The following RHEB variants were observed in gnomAD, a reference collection of about 807,000 sequenced individuals.
RHEB encodes Ras homolog, mTORC1 binding, also known as GTP-binding protein Rheb.
A neutral mutation model predicts 28.8 loss-of-function variants in RHEB; 2 were observed. The observed-to-expected ratio is 0.07, with a 90% CI of 0.03 to 0.22. The LOEUF is 0.22. RHEB is among the 10% of genes least tolerant of loss of function. The pLI, the probability that RHEB is intolerant of heterozygous loss-of-function variation, is 1.00. For synonymous variants in RHEB, 69 were observed against 77.3 expected (o/e 0.89, Z 0.56); for missense variants, 76 against 219.9 (o/e 0.35, Z 4.14).
intron 1 of RHEB, chr7:151,502,493 GAAGGA>G: frequency 1.1e-6 from 1 of 906,702 alleles, no homozygotes; most frequent in Non-Finnish European, 1.9e-6. Context: ...TGTAACAGAA[GAAGGA>G]AAGGAAAAGA....
At chr7:151,514,699 C>T (rs6960126) in intron 1 of RHEB, among the ~76,000 whole-genome samples, 62,388 of 151,992 alleles carry the variant, frequency 0.41, 14,484 homozygotes, top group South Asian at 0.6. Flanking sequence ...AACATGTCTA[C>T]ATAAAAGCTT....
intron 2 of RHEB, among the ~76,000 whole-genome samples, chr7:151,488,362 T>G (rs1360291420): frequency 6.7e-6 from 1 of 149,374 alleles, no homozygotes; most frequent in Non-Finnish European, 1.5e-5. Context: ...CACCACTGAG[T>G]GTTTGCTATA....
At chr7:151,517,741 G>C (rs2150941785) in intron 1 of RHEB, 1 of 149,182 alleles carries the variant, frequency 6.7e-6, no homozygotes, top group Admixed American at 6.7e-5. Context: ...CCAAAGACTA[G>C]AGCTACCATT....
chr7:151,492,906 T>C (rs566017805), intron 1 of RHEB, among the ~76,000 whole-genome samples: 1 of 146,552 alleles, frequency 6.8e-6, no homozygotes, highest in East Asian at 2.1e-4. Context: ...TGGTGCAATC[T>C]TGGCTCACTG....
chr7:151,474,893 A>G (rs114857361), intron 4 of RHEB, among the ~76,000 whole-genome samples: 63 of 152,372 alleles, frequency 4.1e-4, no homozygotes, highest in African/African-American at 1.5e-3. Context: ...GTATATTCAT[A>G]AATATTTGTG....
intron 1 of RHEB, among the ~76,000 whole-genome samples, chr7:151,493,121 G>A (rs759027435): frequency 5.9e-5 from 9 of 152,004 alleles, no homozygotes; most frequent in Non-Finnish European, 1.2e-4. Context: ...GATGACAGGC[G>A]TGAGCCACCG....
intron 1 of RHEB, among the ~76,000 whole-genome samples, chr7:151,506,102 A>C: frequency 6.6e-6 from 1 of 152,178 alleles, no homozygotes; most frequent in East Asian, 1.9e-4. Context: ...CTCTACACTT[A>C]AAATGGATAC....
At chr7:151,485,633 A>C (rs1482136711) in intron 2 of RHEB, among the ~76,000 whole-genome samples, 1 of 152,178 alleles carries the variant, frequency 6.6e-6, no homozygotes, top group Non-Finnish European at 1.5e-5. Flanking sequence ...AGCAGAATCT[A>C]TCCCTCATAC....
intron 1 of RHEB, among the ~76,000 whole-genome samples, chr7:151,492,167 G>GA (rs1802594806): frequency 6.6e-6 from 1 of 152,194 alleles, no homozygotes; most frequent in South Asian, 2.1e-4. Context: ...GACGTGCAGT[G>GA]AGAGTGAAGG....
intron 1 of RHEB, among the ~76,000 whole-genome samples, chr7:151,514,177 A>G (rs1803036845): frequency 1.3e-5 from 2 of 152,218 alleles, no homozygotes; most frequent in Non-Finnish European, 2.9e-5. Flanking sequence ...TCCACATGCA[A>G]AAGTATAAAG....
rs577786727 is a variant in RHEB at position 151,479,581 on chromosome 7, G to T, written c.193-2166C>A. Reference sequence around the variant, plus strand: ...GCCTGTAGTCCCAGCTACTCAGGAGGCTGAGGCAGGAGAATGGTGTGAACC... The same window carrying T: ...GCCTGTAGTCCCAGCTACTCAGGAGTCTGAGGCAGGAGAATGGTGTGAACC... On this transcript the variant is annotated intron_variant, in intron 3 of 7. Transcript: ENST00000262187. Among the ~76,000 whole-genome samples, 147 of 151,688 alleles carry T rather than the reference G, an allele frequency of 9.7e-4. 1 individual carries two copies. The highest frequency in any genetic ancestry group is 3.5e-3 in the African/African-American group (144 of 41,326).
In RHEB at chr7:151,503,315, T is replaced by C. The variant is rs894485567; in HGVS notation, c.53-12301A>G. ...AACAACTATAAAAAATTTGGAGCTA[T>C]GTTGGAAATGATCACAGATAAAATG... On this transcript the variant is annotated intron_variant, in intron 1 of 7. Coordinates refer to ENST00000262187, the MANE Select transcript of RHEB (RefSeq NM_005614.4). 3.4e-5 allele frequency: 28 copies of C among 821,190 alleles called. No homozygotes were observed. In the African/African-American group the frequency reaches 3.8e-4, roughly 11 times the overall value. 50.9% of individuals were successfully genotyped at this position (821,190 alleles called of 1,614,324 possible).
chr7:151,511,748 G>C (rs1388653503), intron 1 of RHEB, among the ~76,000 whole-genome samples: 1 of 151,706 alleles, frequency 6.6e-6, no homozygotes, highest in Non-Finnish European at 1.5e-5. Flanking sequence ...TCGGGTTCAA[G>C]TGATTCTCCT....
chr7:151,494,477 T>C (rs1802641412), intron 1 of RHEB, among the ~76,000 whole-genome samples: 1 of 152,264 alleles, frequency 6.6e-6, no homozygotes, highest in African/African-American at 2.4e-5. Context: ...TCCTTATTTG[T>C]ATCACAATGG....
At chr7:151,492,709 A>G (rs1584858363) in intron 1 of RHEB, among the ~76,000 whole-genome samples, 2 of 152,118 alleles carry the variant, frequency 1.3e-5, no homozygotes, top group South Asian at 4.1e-4. Flanking sequence ...AGCCCAATAC[A>G]GTTCAAAATG....
intron 1 of RHEB, among the ~76,000 whole-genome samples, chr7:151,504,562 C>T (rs11975247): frequency 6.6e-6 from 1 of 152,252 alleles, no homozygotes; most frequent in Non-Finnish European, 1.5e-5. Context: ...CACACAGTTC[C>T]AACTGTGTTG....
intron 1 of RHEB, chr7:151,502,905 T>A: frequency 1.2e-6 from 1 of 821,746 alleles, no homozygotes; most frequent in East Asian, 2.4e-5. Context: ...CAATCGAAAG[T>A]TTTAAAATTA....
At chr7:151,519,361 TG>T in intron 1 of RHEB, 98 bp downstream of exon 1, 1 of 862,272 alleles carries the variant, frequency 1.2e-6, no homozygotes, top group Non-Finnish European at 1.5e-6. Context: ...CCCCGCCACA[TG>T]GCCGCGCCGG....
intron 1 of RHEB, among the ~76,000 whole-genome samples, chr7:151,497,808 C>T (rs143070331): frequency 3.9e-5 from 6 of 152,224 alleles, no homozygotes; most frequent in Admixed American, 6.5e-5. Context: ...CTAGATCCCA[C>T]ACTCCCTCCT....
Sources: gnomAD v4.1 joint callset for allele counts (sites outside exome capture counted in the v4.1 genomes callset) on GRCh38, gnomAD v4.1.1 for gene constraint, MANE v1.5 for transcripts, NCBI Gene and HGNC (gene_info 2026-07-23, HGNC 2026-07-21) for gene names.